Variants in TBXAS1 observed in about 807,000 individuals in gnomAD.
TBXAS1 encodes the protein thromboxane-A synthase.
In TBXAS1, 48 loss-of-function variants were observed where a neutral mutation model predicts 60.7. The ratio of observed to expected loss-of-function variants is 0.79; its 90% CI spans 0.63 to 1.01. The LOEUF is 1.01. Among genes scored for constraint, TBXAS1 ranks in the 50% least tolerant of loss-of-function variants. The probability of loss-of-function intolerance (pLI) is 0.00; values close to 1 mark genes in which losing one functional copy is unlikely to be tolerated. For synonymous variants in TBXAS1, 287 were observed against 269.7 expected, an observed-to-expected ratio of 1.06 and a Z score of -0.63; for missense variants, 685 against 686.3, an observed-to-expected ratio of 1.00 and a Z score of 0.02.
intron 4 of TBXAS1, among the ~76,000 whole-genome samples, chr7:139,809,690 C>G (rs926776543): frequency 6.6e-6 from 1 of 152,174 alleles, no homozygotes; most frequent in African/African-American, 2.4e-5. Context: ...TCTTGGAATT[C>G]TGATGTCCAA....
At chr7:139,863,938 A>G (rs1191127873) in intron 1 of TBXAS1, among the ~76,000 whole-genome samples, 3 of 152,202 alleles carry the variant, frequency 2.0e-5, no homozygotes, top group Non-Finnish European at 4.4e-5. Flanking sequence ...AACCCAATAA[A>G]GGATATCTAT....
intron 9 of TBXAS1, among the ~76,000 whole-genome samples, chr7:139,996,201 A>G (rs968380589): frequency 1.3e-5 from 2 of 150,942 alleles, no homozygotes; most frequent in Non-Finnish European, 2.9e-5. Flanking sequence ...TCCTGGCCTC[A>G]AGCAATCCTG....
rs777948651 is a variant in TBXAS1 at position 139,829,467 on chromosome 7, C to T, written c.77C>T (p.Ala26Val). Residue 26 changes from alanine (A) to valine (V), a missense_variant, in exon 1 of 13, where the codon GCC (alanine) becomes GTC (valine). Physicochemically the swap from Ala to Val is moderately conservative, Grantham distance 64. Coordinates refer to ENST00000448866, the MANE Select transcript of TBXAS1 (RefSeq NM_001061.7). ...GTGGCCCTGTCAGTGGCTCTCTTGG[C>T]CCTCCTGAAATGGTAAGTGCAGCCA... ...VTVALSVALL[A>V]LLKWYSTSAF... 8.7e-6 allele frequency: 14 copies of T among 1,613,520 alleles called. No individual in the cohort carries two copies. The highest frequency in any genetic ancestry group is 1.1e-5 in the South Asian group (1 of 90,890).
rs1442160248 is a variant in TBXAS1 at position 139,955,543 on chromosome 7, C to T, written c.624C>T (p.Pro208=). Residue 208 remains proline, a synonymous_variant, in exon 7 of 13, where the codon CCC becomes CCT. Transcript: ENST00000448866. ...ACTCCTGGCAGGCCCCTGAGGATCC[C>T]TTTGTGAAACACTGCAAGCGTTTCT... ...PVDSWQAPED[P]FVKHCKRFFE... The T allele has an allele frequency of 2.5e-6, 4 of 1,614,224 alleles. No homozygotes were observed. In the South Asian group the frequency reaches 3.3e-5, roughly 13 times the overall value.
In TBXAS1 at chr7:140,007,480, C is replaced by T. The variant is rs1024651955; in HGVS notation, c.1226+298C>T. Reference sequence around the variant, plus strand: ...GCTTTTGCCATTTCCCCTGCCTGTTCGTTCATTCATTCATTCATTCGTTCA... The same window carrying T: ...GCTTTTGCCATTTCCCCTGCCTGTTTGTTCATTCATTCATTCATTCGTTCA... On this transcript the variant is annotated intron_variant, in intron 10 of 12. Transcript: ENST00000448866. 3.9e-5 allele frequency among the ~76,000 whole-genome samples: 6 copies of T among 152,328 alleles called. No homozygotes were observed. The South Asian group carries it at 6.2e-4, about 16-fold the overall frequency.
intron 4 of TBXAS1, among the ~76,000 whole-genome samples, chr7:139,920,826 T>C (rs1806408104): frequency 6.6e-6 from 1 of 152,134 alleles, no homozygotes; most frequent in Non-Finnish European, 1.5e-5. Context: ...CAGGCACTGC[T>C]CCCATGAGTG....
intron 3 of TBXAS1, among the ~76,000 whole-genome samples, chr7:139,882,575 G>T (rs1409000161): frequency 6.6e-6 from 1 of 152,152 alleles, no homozygotes. Context: ...CTAAATGTTT[G>T]ACCCAAAAAT....
chr7:139,862,457 A>G (rs1584704253), intron 1 of TBXAS1, among the ~76,000 whole-genome samples: 3 of 152,224 alleles, frequency 2.0e-5, no homozygotes, highest in African/African-American at 7.2e-5. Context: ...GGCAGCCCCA[A>G]GGAAGCTGTG....
chr7:139,993,188 A>G (rs1813049696), intron 9 of TBXAS1, among the ~76,000 whole-genome samples: 2 of 152,192 alleles, frequency 1.3e-5, no homozygotes, highest in South Asian at 4.2e-4. Context: ...CAATAAATAC[A>G]TAAATGGGAA....
intron 4 of TBXAS1, among the ~76,000 whole-genome samples, chr7:139,800,666 C>T (rs1374848407): frequency 6.6e-6 from 1 of 152,178 alleles, no homozygotes; most frequent in African/African-American, 2.4e-5. Flanking sequence ...CAGCTGTCCA[C>T]GCAATGGTCA....
chr7:139,890,049 C>T lies in TBXAS1; in HGVS notation c.236+14412C>T, dbSNP rs147507469. Among the ~76,000 whole-genome samples the T allele has an allele frequency of 5.3e-5, 8 of 152,206 alleles. No individual in the cohort carries two copies. The South Asian group carries it at 1.2e-3, about 24-fold the overall frequency. Reference sequence around the variant, plus strand: ...TCCAACAATCGAATGGGGTGTTTCCCGCAGTGTGTCCTTGAGACCATCGTT... The same window carrying T: ...TCCAACAATCGAATGGGGTGTTTCCTGCAGTGTGTCCTTGAGACCATCGTT... On this transcript the variant is annotated intron_variant, in intron 3 of 12. Coordinates refer to ENST00000448866, the MANE Select transcript of TBXAS1 (RefSeq NM_001061.7).
chr7:139,953,329 G>T (rs776291623), intron 5 of TBXAS1, 39 bp from the exon 6 acceptor site: 1 of 1,565,664 alleles, frequency 6.4e-7, no homozygotes, highest in Non-Finnish European at 8.8e-7. Flanking sequence ...TGTACTCCCG[G>T]CATGGTGCCC....
At chr7:139,834,985 C>G (rs1229550242) in intron 1 of TBXAS1, among the ~76,000 whole-genome samples, 1 of 152,014 alleles carries the variant, frequency 6.6e-6, no homozygotes, top group Non-Finnish European at 1.5e-5. Flanking sequence ...AGTATCACCC[C>G]AATACCAAAA....
chr7:139,815,974 G>A (rs1316235671), intron 4 of TBXAS1, among the ~76,000 whole-genome samples: 1 of 152,152 alleles, frequency 6.6e-6, no homozygotes, highest in Non-Finnish European at 1.5e-5. Flanking sequence ...ATCTCATCTC[G>A]AATTGTAATC....
At chr7:140,019,302 C>G (rs1482790274) in intron 12 of TBXAS1, among the ~76,000 whole-genome samples, 1 of 152,176 alleles carries the variant, frequency 6.6e-6, no homozygotes, top group African/African-American at 2.4e-5. Context: ...GGTCAAGGGG[C>G]AGACGGAGGA....
rs1044042118 is a variant in TBXAS1, at chr7:140,017,979, A to G, written c.1527+146A>G. On this transcript the variant is annotated intron_variant, in intron 12 of 12. Coordinates refer to ENST00000448866, the MANE Select transcript of TBXAS1 (RefSeq NM_001061.7). Reference sequence around the variant, plus strand: ...AAGCTCCTTAACCTCTCTCGGCCTCAGTTTCTTGATTCGTAAAGTGGGGGT... The same window carrying G: ...AAGCTCCTTAACCTCTCTCGGCCTCGGTTTCTTGATTCGTAAAGTGGGGGT... 40 of 1,059,890 alleles carry G rather than the reference A, an allele frequency of 3.8e-5. No individual in the cohort carries two copies. The African/African-American group carries it at 5.1e-4, about 13-fold the overall frequency. The allele number at this position is 1,059,890 out of a possible 1,614,324, so 65.7% of individuals were successfully genotyped here.
intron 8 of TBXAS1, among the ~76,000 whole-genome samples, chr7:139,958,168 C>T (rs1437349913): frequency 6.6e-6 from 1 of 152,166 alleles, no homozygotes. Context: ...ATGGAGTTCT[C>T]CAGCATGAAC....
chr7:139,799,302 T>G (rs1286559103), intron 4 of TBXAS1, among the ~76,000 whole-genome samples: 5 of 151,456 alleles, frequency 3.3e-5, no homozygotes, highest in African/African-American at 4.9e-5. Flanking sequence ...CAATCTCGGC[T>G]CACTGCAAAC....
At chr7:139,805,660 C>CCCTT (rs1797829955) in intron 4 of TBXAS1, among the ~76,000 whole-genome samples, 1 of 101,432 alleles carries the variant, frequency 9.9e-6, no homozygotes, top group Non-Finnish European at 1.9e-5. Flanking sequence ...CCTTCTTTTT[C>CCCTT]TCTTTCTTTC....
Sources: allele counts gnomAD v4.1 joint callset (sites outside exome capture counted in the v4.1 genomes callset), GRCh38; gene constraint gnomAD v4.1.1; transcripts MANE v1.5; gene names NCBI Gene and HGNC (gene_info 2026-07-23, HGNC 2026-07-21).